The following SPAG5 variants were observed in gnomAD, a reference collection of about 807,000 sequenced individuals.
SPAG5 encodes the protein sperm associated antigen 5.
SPAG5 carries 99 observed loss-of-function variants against 145.4 expected under a neutral mutation model. That is an observed-to-expected ratio of 0.68 (90% CI 0.58 to 0.80). The LOEUF (loss-of-function observed/expected upper bound fraction) is 0.80, where lower values mean the gene tolerates loss of function less well. Among genes scored for constraint, SPAG5 ranks in the 30% least tolerant of loss-of-function variants. SPAG5 has a pLI of 0.00. For missense variants in SPAG5, 1,192 were observed against 1,416.0 expected (o/e 0.84, Z 2.54); for synonymous variants, 477 against 525.4 (o/e 0.91, Z 1.26).
At chr17:28,587,737 AAAAG>A (rs1260255549) in intron 4 of SPAG5, among the ~76,000 whole-genome samples, 24 of 151,800 alleles carry the variant, frequency 1.6e-4, no homozygotes, top group African/African-American at 5.1e-4. Flanking sequence ...AAAAAAAAAA[AAAAG>A]GATGAACCAA....
intron 19 of SPAG5, 58 bp from the exon 20 acceptor site, chr17:28,578,810 G>T (rs2070527254): frequency 1.4e-6 from 2 of 1,399,184 alleles, no homozygotes; most frequent in Non-Finnish European, 2.0e-6. Context: ...CACAGCCCTT[G>T]CCAGGAGGTA....
At chr17:28,587,717 CAAAA>C (rs765826333) in intron 4 of SPAG5, among the ~76,000 whole-genome samples, 3 of 48,874 alleles carry the variant, frequency 6.1e-5, no homozygotes, top group Non-Finnish European at 8.3e-5. Flanking sequence ...GACCTCGTCT[CAAAA>C]AAAAAAAAAA....
Position 28,593,026 on chromosome 17 carries a change from T to C in SPAG5, c.218A>G (p.Asn73Ser), listed in dbSNP as rs747324054. Reference sequence around the variant, plus strand: ...TTCTGAAGATAAGTCTGTCCTCTTGTTATTTACAAAATCCACTGGAGATGA... The same window carrying C: ...TTCTGAAGATAAGTCTGTCCTCTTGCTATTTACAAAATCCACTGGAGATGA... The part of the protein sequence containing the change: ...NNSSPVDFVN[N>S]KRTDLSSEHF... The change falls in exon 3 of 24, where the codon AAC (asparagine) becomes AGC (serine). Residue 73 changes from asparagine to serine, a missense_variant. Asn to Ser is a conservative substitution (Grantham distance 46). This residue lies in a region of SPAG5 where 329 missense variants were observed against 354.0 expected (regional missense o/e 0.93). Coordinates refer to ENST00000321765, the MANE Select transcript of SPAG5 (RefSeq NM_006461.4). The C allele has an allele frequency of 8.7e-6, 14 of 1,614,106 alleles. No individual in the cohort carries two copies. The East Asian group carries it at 2.7e-4, about 31-fold the overall frequency.
At chr17:28,594,185 A>G (rs72846197) in intron 2 of SPAG5, among the ~76,000 whole-genome samples, 2,493 of 152,330 alleles carry the variant, frequency 0.016, 31 homozygotes, top group Non-Finnish European at 0.027. Flanking sequence ...CCAGTTTCTA[A>G]GCAGGACTGA....
chr17:28,598,799 C>T (rs1423243695), intron 1 of SPAG5, 97 bp downstream of exon 1: 26 of 1,538,610 alleles, frequency 1.7e-5, no homozygotes, highest in African/African-American at 2.7e-5. Flanking sequence ...AGCCCCCAAC[C>T]CCGGGCTCGA....
intron 2 of SPAG5, among the ~76,000 whole-genome samples, chr17:28,594,423 G>A (rs554670083): frequency 9.2e-5 from 14 of 151,984 alleles, no homozygotes; most frequent in African/African-American, 2.9e-4. Flanking sequence ...ATGAAACCCC[G>A]TCTCTACTAA....
At position 28,588,740 on chromosome 17, in the gene SPAG5, T is replaced by C. The variant is rs191115308; in HGVS notation, c.1438-2241A>G. 2.6e-5 allele frequency among the ~76,000 whole-genome samples: 4 copies of C among 152,280 alleles called. No individual in the cohort carries two copies. In the East Asian group the frequency reaches 5.8e-4, roughly 22 times the overall value. On this transcript the variant is annotated intron_variant, in intron 4 of 23. Transcript: ENST00000321765. Reference sequence around the variant, plus strand: ...CTCTGTTGCCCAGGCTAGAGTACACTGGGTGATCTCGGCTCACTGCAACCT... The same window carrying C: ...CTCTGTTGCCCAGGCTAGAGTACACCGGGTGATCTCGGCTCACTGCAACCT...
At chr17:28,584,532 C>G in intron 11 of SPAG5, 52 bp from the exon 12 acceptor site, 1 of 1,612,208 alleles carries the variant, frequency 6.2e-7, no homozygotes, top group Admixed American at 1.7e-5. Flanking sequence ...CTAGAAACTC[C>G]CCAAACTTCT....
rs764908058 is a variant in SPAG5 at position 28,598,520 on chromosome 17, A to C, written c.167T>G (p.Leu56Arg). ...CCAGGCGAATCTCACCTGCAGCCCC[A>C]GCTTGCACAGTGATGGGGTCAGCGA... ...CSSLTPSLCKLGLQEGSNNSS... is the reference protein window; with the variant it reads ...CSSLTPSLCKRGLQEGSNNSS... Residue 56 changes from leucine (L) to arginine (R), a missense_variant, in exon 2 of 24, where the codon CTG (leucine) becomes CGG (arginine). Transcript: ENST00000321765. 1 of 1,613,532 alleles carries C rather than the reference A, an allele frequency of 6.2e-7. No individual in the cohort carries two copies. The highest frequency in any genetic ancestry group is 1.3e-5 in the African/African-American group (1 of 74,894).
At chr17:28,598,686 C>A in intron 1 of SPAG5, 51 bp from the exon 2 acceptor site, 1 of 1,559,186 alleles carries the variant, frequency 6.4e-7, no homozygotes, top group Non-Finnish European at 8.7e-7. Flanking sequence ...CTGGGTTCTG[C>A]CAGCCCGCCC....
chr17:28,598,969 T>C lies in SPAG5; in HGVS notation c.-23A>G. On this transcript the variant is annotated 5_prime_UTR_variant, in exon 1 of 24. An upstream open reading frame in the 5' UTR loses its in-frame stop. Coordinates refer to ENST00000321765, the MANE Select transcript of SPAG5 (RefSeq NM_006461.4). ...CATCTTCAACCAGAAGGCAGGCCTA[T>C]CACGTCTCAGACCAAGTCGAGGACG... 1 of 1,612,986 alleles carries C rather than the reference T, an allele frequency of 6.2e-7. No individual in the cohort carries two copies. The highest frequency in any genetic ancestry group is 8.5e-7 in the Non-Finnish European group (1 of 1,179,044).
intron 15 of SPAG5, chr17:28,582,772 T>C (rs1476762656): frequency 6.6e-6 from 1 of 152,240 alleles, no homozygotes; most frequent in Non-Finnish European, 1.5e-5. Flanking sequence ...TAGTGCACAC[T>C]GCAGGGAGGC....
intron 15 of SPAG5, chr17:28,580,618 C>A (rs997322538): frequency 1.3e-5 from 2 of 152,230 alleles, no homozygotes; most frequent in African/African-American, 4.8e-5. Flanking sequence ...CCACATTGTT[C>A]TTTTAGAAAC....
intron 5 of SPAG5, 119 bp downstream of exon 5, chr17:28,586,306 G>T: frequency 8.1e-7 from 1 of 1,232,868 alleles, no homozygotes; most frequent in Non-Finnish European, 1.2e-6. Context: ...CTTTACAAAT[G>T]TTTGGAAACC....
chr17:28,579,711 T>C, intron 17 of SPAG5, 40 bp downstream of exon 17: 1 of 1,589,552 alleles, frequency 6.3e-7, no homozygotes, highest in Non-Finnish European at 8.6e-7. Context: ...ACCACCAGAT[T>C]TTCTAGAAAT....
In SPAG5 at chr17:28,585,393, G is replaced by T. The variant is rs764404881; in HGVS notation, c.1879C>A (p.Gln627Lys). The T allele has an allele frequency of 2.4e-5, 39 of 1,614,090 alleles. No individual in the cohort carries two copies. The highest frequency in any genetic ancestry group is 3.1e-5 in the Non-Finnish European group (37 of 1,180,036). Residue 627 changes from glutamine to lysine, a missense_variant, in exon 9 of 24, where the codon CAA (glutamine) becomes AAA (lysine). By Grantham distance (53) the Gln-to-Lys change is moderately conservative (BLOSUM62 1). Coordinates refer to ENST00000321765, the MANE Select transcript of SPAG5 (RefSeq NM_006461.4). The stretch of plus-strand genomic sequence containing the variant: ...ACTGTCTGCTGAACCAGCTCTTCTT[G>T]CTTGGCATGAAGCCCTACCTACAAA... ...QTQLVGLHAK[Q>K]EELVQQTVSL...
chr17:28,579,997 A>T lies in SPAG5; in HGVS notation c.2797+12T>A. ...CACAACTTTCCCACCCCCAAATCCC[A>T]GGGCCTTTAACCTTCATCTGCCACT... On this transcript the variant is annotated intron_variant, in intron 16 of 23. Transcript: ENST00000321765. 6.2e-7 allele frequency: 1 copy of T among 1,605,114 alleles called. No homozygotes were observed. The highest frequency in any genetic ancestry group is 8.5e-7 in the Non-Finnish European group (1 of 1,172,670).
Position 28,586,455 on chromosome 17 carries a change from T to A in SPAG5, c.1482A>T (p.Gly494=). Residue 494 remains glycine, a synonymous_variant, in exon 5 of 24, where the codon GGA becomes GGT. Coordinates refer to ENST00000321765, the MANE Select transcript of SPAG5 (RefSeq NM_006461.4). ...LQHLKESHEM[G]QALQQARNVM... Reference sequence around the variant, plus strand: ...CATTTCTGGCCTGCTGTAGGGCCTGTCCCATCTCATGGCTCTCCTTAAGAT... The same window carrying A: ...CATTTCTGGCCTGCTGTAGGGCCTGACCCATCTCATGGCTCTCCTTAAGAT... 1.2e-6 allele frequency: 2 copies of A among 1,613,982 alleles called. No homozygotes were observed. Among genetic ancestry groups the A allele is most frequent in the Non-Finnish European group, 1.7e-6 (2 of 1,179,770 alleles).
Position 28,598,510 on chromosome 17 carries a change from C to T in SPAG5, c.177G>A (p.Gln59=). ...LTPSLCKLGL[Q]EGSNNSSPVD... Reference sequence around the variant, plus strand: ...GAGAAGCTGTCCAGGCGAATCTCACCTGCAGCCCCAGCTTGCACAGTGATG... The same window carrying T: ...GAGAAGCTGTCCAGGCGAATCTCACTTGCAGCCCCAGCTTGCACAGTGATG... Residue 59 remains glutamine (Q), a splice_region_variant and synonymous_variant, in exon 2 of 24, where the codon CAG becomes CAA. Transcript: ENST00000321765. 3 of 1,613,384 alleles carry T rather than the reference C, an allele frequency of 1.9e-6. No individual in the cohort carries two copies. Among genetic ancestry groups the T allele is most frequent in the South Asian group, 1.1e-5 (1 of 91,020 alleles).
Sources: allele counts gnomAD v4.1 joint callset (sites outside exome capture counted in the v4.1 genomes callset), GRCh38; gene constraint gnomAD v4.1.1; regional missense constraint gnomAD v4.1.1; transcripts MANE v1.5; gene names NCBI Gene and HGNC (gene_info 2026-07-23, HGNC 2026-07-21).